C8orf88: variants seen among roughly 807,000 people sequenced by gnomAD.
C8orf88 encodes chromosome 8 open reading frame 88.
A neutral mutation model predicts 18.4 loss-of-function variants in C8orf88; 14 were observed. The observed-to-expected ratio is 0.76, with a 90% CI of 0.50 to 1.19. C8orf88 has a LOEUF of 1.19. C8orf88 is among the 50% of genes most tolerant of loss of function. The probability of loss-of-function intolerance (pLI) is 0.00; values close to 1 mark genes in which losing one functional copy is unlikely to be tolerated. For synonymous variants in C8orf88, 45 were observed against 42.9 expected, an observed-to-expected ratio of 1.05 and a Z score of -0.19; for missense variants, 116 against 134.7, an observed-to-expected ratio of 0.86 and a Z score of 0.69.
chr8:90,972,979 A>G (rs1001875144), intron 3 of C8orf88, among the ~76,000 whole-genome samples: 3 of 152,142 alleles, frequency 2.0e-5, no homozygotes, highest in African/African-American at 7.2e-5. Context: ...CGTTGAACTC[A>G]TTCATTTAAC....
chr8:90,979,717 A>C (rs1283677876), intron 2 of C8orf88, among the ~76,000 whole-genome samples: 4 of 152,256 alleles, frequency 2.6e-5, no homozygotes, highest in Admixed American at 2.6e-4. Flanking sequence ...AAGTAGACAC[A>C]GAAGCCATTC....
chr8:90,973,543 C>T (rs1032271582), intron 3 of C8orf88, among the ~76,000 whole-genome samples: 1 of 152,064 alleles, frequency 6.6e-6, no homozygotes, highest in African/African-American at 2.4e-5. Context: ...AGTGCAGTGC[C>T]GTGATCATAG....
At chr8:90,975,070 A>G (rs535957020) in intron 3 of C8orf88, among the ~76,000 whole-genome samples, 1 of 152,344 alleles carries the variant, frequency 6.6e-6, no homozygotes, top group South Asian at 2.1e-4. Flanking sequence ...GCTGGAAAAT[A>G]CAAAGAATCA....
At chr8:90,964,078 T>C (rs1253485655) in intron 4 of C8orf88, among the ~76,000 whole-genome samples, 1 of 151,682 alleles carries the variant, frequency 6.6e-6, no homozygotes, top group Non-Finnish European at 1.5e-5. Flanking sequence ...CTTTAAGCAC[T>C]GGTGATTCTG....
chr8:90,960,065 G>A (rs966914659), intron 5 of C8orf88, among the ~76,000 whole-genome samples: 3 of 151,312 alleles, frequency 2.0e-5, no homozygotes, highest in East Asian at 1.9e-4. Context: ...GTCCAAGTTC[G>A]AACTACCGGT....
At chr8:90,974,925 AT>A (rs1339263500) in intron 3 of C8orf88, among the ~76,000 whole-genome samples, 1 of 152,184 alleles carries the variant, frequency 6.6e-6, no homozygotes, top group African/African-American at 2.4e-5. Context: ...CAAAATCACT[AT>A]AAAAAATCAA....
At chr8:90,977,358 G>C (rs1397880948) in intron 3 of C8orf88, among the ~76,000 whole-genome samples, 1 of 152,154 alleles carries the variant, frequency 6.6e-6, no homozygotes, top group Non-Finnish European at 1.5e-5. Flanking sequence ...GTATCAAAAA[G>C]TTGAAATTAA....
chr8:90,976,306 TA>T (rs1811349381), intron 3 of C8orf88, among the ~76,000 whole-genome samples: 1 of 152,130 alleles, frequency 6.6e-6, no homozygotes, highest in South Asian at 2.1e-4. Context: ...GGTTTGAAAA[TA>T]TATCAAGTAT....
At chr8:90,973,237 C>T (rs1432918233) in intron 3 of C8orf88, among the ~76,000 whole-genome samples, 1 of 152,104 alleles carries the variant, frequency 6.6e-6, no homozygotes, top group Non-Finnish European at 1.5e-5. Flanking sequence ...GGAGATGATG[C>T]TTATACTGAC....
intron 4 of C8orf88, among the ~76,000 whole-genome samples, chr8:90,964,883 T>C (rs563583281): frequency 3.3e-5 from 5 of 151,444 alleles, no homozygotes; most frequent in African/African-American, 1.2e-4. Context: ...ATAAAAAATA[T>C]AGTAAAGCAA....
chr8:90,962,047 C>T (rs1811135703), intron 4 of C8orf88, among the ~76,000 whole-genome samples: 1 of 151,606 alleles, frequency 6.6e-6, no homozygotes, highest in Non-Finnish European at 1.5e-5. Flanking sequence ...ACTATCCTTA[C>T]ATCCTATCAA....
intron 4 of C8orf88, among the ~76,000 whole-genome samples, chr8:90,963,093 T>A (rs1176400948): frequency 2.0e-5 from 3 of 151,626 alleles, no homozygotes; most frequent in African/African-American, 7.3e-5. Flanking sequence ...AAGGCAGAAT[T>A]GAGGTAATAC....
chr8:90,977,239 T>C (rs1224950912), intron 3 of C8orf88, among the ~76,000 whole-genome samples: 3 of 152,164 alleles, frequency 2.0e-5, no homozygotes, highest in Non-Finnish European at 4.4e-5. Flanking sequence ...AAATATATAA[T>C]TTCTCATCCT....
rs2294144 is a variant in C8orf88 at position 90,978,665 on chromosome 8, G to A, written c.74-13C>T. On this transcript the variant is annotated splice_polypyrimidine_tract_variant and intron_variant, in intron 2 of 5. Coordinates refer to ENST00000517562, the MANE Select transcript of C8orf88 (RefSeq NM_001190972.2). Reference sequence around the variant, plus strand: ...GGGAACACTGCTCCTGTTAGGAGAGGAAGAAAACAATTTCATAGATCTATT... The same window carrying A: ...GGGAACACTGCTCCTGTTAGGAGAGAAAGAAAACAATTTCATAGATCTATT... 43,606 of 1,456,392 alleles carry A rather than the reference G, an allele frequency of 0.03. 4,149 individuals are homozygous for A. In the African/African-American group the frequency reaches 0.31, roughly 10 times the overall value. The allele number at this position is 1,456,392 out of a possible 1,614,324, so 90.2% of individuals were successfully genotyped here.
intron 4 of C8orf88, among the ~76,000 whole-genome samples, chr8:90,963,699 C>A (rs1244302616): frequency 6.6e-6 from 1 of 151,412 alleles, no homozygotes; most frequent in Non-Finnish European, 1.5e-5. Context: ...GTTTCAACAG[C>A]AGATTTGAGC....
Position 90,960,819 on chromosome 8 carries a change from A to G in C8orf88, c.253T>C (p.Leu85=), listed in dbSNP as rs1427412198. ...ERIKYSRDFL[L]KLSSVSICRK... is the part of the protein sequence containing the mutation. Reference sequence around the variant, plus strand: ...CAGATGGAAACACTTGAGAGCTTCAACAGGAAATCTCTGCTGTATTTAATT... The same window carrying G: ...CAGATGGAAACACTTGAGAGCTTCAGCAGGAAATCTCTGCTGTATTTAATT... The change falls in exon 5 of 6, where the codon TTG becomes CTG. Residue 85 remains leucine (L), a synonymous_variant. Transcript: ENST00000517562. 6.5e-7 allele frequency: 1 copy of G among 1,530,086 alleles called. No individual in the cohort carries two copies. Among genetic ancestry groups the G allele is most frequent in the Non-Finnish European group, 8.8e-7 (1 of 1,142,416 alleles). The allele number at this position is 1,530,086 out of a possible 1,614,324, so 94.8% of individuals were successfully genotyped here.
At chr8:90,967,511 T>G (rs1055219892) in intron 4 of C8orf88, among the ~76,000 whole-genome samples, 3 of 151,768 alleles carry the variant, frequency 2.0e-5, no homozygotes, top group Non-Finnish European at 4.4e-5. Context: ...GACAAGTGTT[T>G]AGTAGAATTT....
chr8:90,980,554 C>A, intron 1 of C8orf88, 93 bp from the exon 2 acceptor site: 1 of 526,308 alleles, frequency 1.9e-6, no homozygotes, highest in Non-Finnish European at 3.3e-6. Context: ...TTTAAGATGC[C>A]TATTTTACAA....
In C8orf88 at chr8:90,964,154, G is replaced by A. The variant is rs1236589419; in HGVS notation, c.224-3306C>T. Among the ~76,000 whole-genome samples, 3 of 151,690 alleles carry A rather than the reference G, an allele frequency of 2.0e-5. No homozygotes were observed. In the East Asian group the frequency reaches 5.8e-4, roughly 29 times the overall value. On this transcript the variant is annotated intron_variant, in intron 4 of 5. Transcript: ENST00000517562. ...ATATTATATTTTCAACTTATGATGGGTTTATTGGGAAGTAATCCCACCATA... is the reference window on the plus strand; with the variant it reads ...ATATTATATTTTCAACTTATGATGGATTTATTGGGAAGTAATCCCACCATA...
Sources: allele counts gnomAD v4.1 joint callset (sites outside exome capture counted in the v4.1 genomes callset), GRCh38; gene constraint gnomAD v4.1.1; transcripts MANE v1.5; gene names NCBI Gene and HGNC (gene_info 2026-07-23, HGNC 2026-07-21).